Variants in NTM observed in about 807,000 individuals in gnomAD.
The protein encoded by NTM is neurotrimin, also known as IgLON family member 2.
In NTM, 13 loss-of-function variants were observed where a neutral mutation model predicts 42.1. The observed-to-expected ratio is 0.31, with a 90% CI of 0.20 to 0.49. NTM has a LOEUF of 0.49. Among genes scored for constraint, NTM ranks in the 20% least tolerant of loss-of-function variants. The pLI is 0.99. For missense variants in NTM, 373 were observed against 452.8 expected (o/e 0.82, Z 1.60); for synonymous variants, 187 against 179.2 (o/e 1.04, Z -0.35).
intron 3 of NTM, among the ~76,000 whole-genome samples, chr11:132,170,509 G>A (rs2075969558): frequency 1.3e-5 from 2 of 152,172 alleles, no homozygotes; most frequent in African/African-American, 4.8e-5. Context: ...CATAGGATAA[G>A]CTGAATCTTT....
At chr11:132,017,371 T>C (rs1565954731) in intron 2 of NTM, among the ~76,000 whole-genome samples, 1 of 151,976 alleles carries the variant, frequency 6.6e-6, no homozygotes, top group Non-Finnish European at 1.5e-5. Context: ...GTTTCTAGAT[T>C]CATGTGTTAA....
intron 7 of NTM, among the ~76,000 whole-genome samples, chr11:132,320,122 CCAT>C (rs2095527101): frequency 6.6e-6 from 1 of 152,210 alleles, no homozygotes; most frequent in Non-Finnish European, 1.5e-5. Context: ...CAGTACATCA[CCAT>C]CATCAAAGAC....
chr11:131,879,742 T>C (rs2049172342), intron 1 of NTM, among the ~76,000 whole-genome samples: 1 of 63,876 alleles, frequency 1.6e-5, no homozygotes, highest in Admixed American at 1.4e-4. Flanking sequence ...TGGATAAACT[T>C]CCAAAAAATC....
At chr11:131,494,104 T>C (rs1451346141) in intron 1 of NTM, among the ~76,000 whole-genome samples, 1 of 152,214 alleles carries the variant, frequency 6.6e-6, no homozygotes, top group East Asian at 1.9e-4. Context: ...CCCTTCAAGA[T>C]CTTATATATC....
chr11:131,608,100 T>C (rs2061145428), intron 1 of NTM, among the ~76,000 whole-genome samples: 1 of 152,136 alleles, frequency 6.6e-6, no homozygotes, highest in Non-Finnish European at 1.5e-5. Flanking sequence ...CCTGTGTCCA[T>C]GTGTTCTCAT....
At chr11:131,842,689 G>A (rs555992618) in intron 1 of NTM, among the ~76,000 whole-genome samples, 2 of 152,048 alleles carry the variant, frequency 1.3e-5, no homozygotes, top group Non-Finnish European at 2.9e-5. Flanking sequence ...AATGTTTTAG[G>A]CAAACACCAT....
At chr11:131,932,657 T>C (rs530657248) in intron 2 of NTM, among the ~76,000 whole-genome samples, 29 of 152,324 alleles carry the variant, frequency 1.9e-4, no homozygotes, top group Admixed American at 5.2e-4. Context: ...GAATAGGAGA[T>C]GATGCTGATG....
At chr11:132,236,390 A>T (rs932314663) in intron 4 of NTM, among the ~76,000 whole-genome samples, 6 of 152,186 alleles carry the variant, frequency 3.9e-5, no homozygotes, top group African/African-American at 1.4e-4. Flanking sequence ...GCACTGGGGA[A>T]AGATAATAGA....
chr11:131,997,948 TC>T (rs966244939), intron 2 of NTM, among the ~76,000 whole-genome samples: 2 of 151,726 alleles, frequency 1.3e-5, no homozygotes, highest in African/African-American at 4.8e-5. Context: ...CTCTCCCACC[TC>T]CCCTTGCTTC....
At chr11:131,626,740 T>C (rs2063143188) in intron 1 of NTM, among the ~76,000 whole-genome samples, 1 of 152,226 alleles carries the variant, frequency 6.6e-6, no homozygotes, top group Non-Finnish European at 1.5e-5. Flanking sequence ...ATTCTCCATC[T>C]GTGACCTGCA....
intron 1 of NTM, among the ~76,000 whole-genome samples, chr11:131,894,469 A>C (rs2051913585): frequency 6.6e-6 from 1 of 152,196 alleles, no homozygotes; most frequent in African/African-American, 2.4e-5. Context: ...AGCTCTGAAA[A>C]GCAGTACTGA....
At chr11:131,667,915 T>C (rs1266729604) in intron 1 of NTM, among the ~76,000 whole-genome samples, 1 of 152,198 alleles carries the variant, frequency 6.6e-6, no homozygotes, top group African/African-American at 2.4e-5. Flanking sequence ...GGGTTTTGAT[T>C]AGTTGAACTC....
chr11:132,026,284 A>G (rs190616972), intron 2 of NTM, among the ~76,000 whole-genome samples: 315 of 152,332 alleles, frequency 2.1e-3, no homozygotes, highest in African/African-American at 7.2e-3. Flanking sequence ...CTTGCCCCGC[A>G]TGATCAGGAA....
intron 1 of NTM, among the ~76,000 whole-genome samples, chr11:131,781,868 CT>C (rs1436253648): frequency 6.6e-6 from 1 of 152,156 alleles, no homozygotes; most frequent in Non-Finnish European, 1.5e-5. Flanking sequence ...TTCAGTGAGG[CT>C]GAGGAGACTG....
intron 1 of NTM, among the ~76,000 whole-genome samples, chr11:131,789,918 T>A (rs573711798): frequency 2.4e-5 from 3 of 124,000 alleles, no homozygotes; most frequent in African/African-American, 6.4e-5. Flanking sequence ...ATCGCGCCAC[T>A]GCACTCCAGC....
chr11:131,876,947 C>T (rs887249044), intron 1 of NTM, among the ~76,000 whole-genome samples: 6 of 152,058 alleles, frequency 3.9e-5, no homozygotes, highest in African/African-American at 1.2e-4. Flanking sequence ...CAACCTCTGC[C>T]TCCTGTGTTC....
At chr11:131,880,045 C>A (rs1197244039) in intron 1 of NTM, among the ~76,000 whole-genome samples, 1 of 152,158 alleles carries the variant, frequency 6.6e-6, no homozygotes, top group South Asian at 2.1e-4. Flanking sequence ...CTGGAGACAT[C>A]GAAACATCAA....
intron 2 of NTM, among the ~76,000 whole-genome samples, chr11:132,091,645 A>AT (rs1174732626): frequency 6.6e-6 from 1 of 151,352 alleles, no homozygotes; most frequent in Admixed American, 6.6e-5. Context: ...ACACCTGACT[A>AT]TTTTTTAAAT....
At chr11:131,559,992 TC>T (rs1220517945) in intron 1 of NTM, among the ~76,000 whole-genome samples, 2 of 152,186 alleles carry the variant, frequency 1.3e-5, no homozygotes, top group Non-Finnish European at 2.9e-5. Context: ...TAGTGACACA[TC>T]AGGACTCAAA....
Sources: gnomAD v4.1 joint callset for allele counts (sites outside exome capture counted in the v4.1 genomes callset) on GRCh38, gnomAD v4.1.1 for gene constraint, MANE v1.5 for transcripts, NCBI Gene and HGNC (gene_info 2026-07-23, HGNC 2026-07-21) for gene names.